The following INTS12 variants were observed in gnomAD, a reference collection of about 807,000 sequenced individuals.
The protein encoded by INTS12 is PHD finger protein 22.
A neutral mutation model predicts 41.6 loss-of-function variants in INTS12; 13 were observed. The observed-to-expected ratio is 0.31, with a 90% CI of 0.20 to 0.50. INTS12 has a LOEUF of 0.50. INTS12 is among the 20% of genes least tolerant of loss of function. The probability of loss-of-function intolerance (pLI) is 0.98; values close to 1 mark genes in which losing one functional copy is unlikely to be tolerated. For missense variants in INTS12, 432 were observed against 541.6 expected, an observed-to-expected ratio of 0.80 and a Z score of 2.01; for synonymous variants, 199 against 191.4, an observed-to-expected ratio of 1.04 and a Z score of -0.33.
chr4:105,707,974 G>GA (rs1578397191), intron 1 of INTS12: 2 of 985,262 alleles, frequency 2.0e-6, no homozygotes, highest in Non-Finnish European at 2.4e-6. Context: ...CCAGATGAAG[G>GA]AAACAGAAAC....
At chr4:105,685,623 A>C (rs1333677270) in intron 7 of INTS12, among the ~76,000 whole-genome samples, 2 of 152,158 alleles carry the variant, frequency 1.3e-5, no homozygotes, top group Non-Finnish European at 2.9e-5. Context: ...CAATAACTTT[A>C]GAGTTTTCTC....
intron 1 of INTS12, chr4:105,708,428 T>C (rs1031770622): frequency 9.1e-6 from 9 of 985,360 alleles, no homozygotes; most frequent in African/African-American, 8.7e-5. Flanking sequence ...TCGGTCCGCA[T>C]GTCCCGGCCC....
At chr4:105,685,039 C>T (rs1731455379) in intron 7 of INTS12, among the ~76,000 whole-genome samples, 1 of 152,030 alleles carries the variant, frequency 6.6e-6, no homozygotes, top group African/African-American at 2.4e-5. Flanking sequence ...CAATGGAGAC[C>T]AAGTGATTTC....
chr4:105,693,424 T>C lies in INTS12; in HGVS notation c.372A>G (p.Glu124=). The change falls in exon 5 of 8, where the codon GAA becomes GAG. Residue 124 remains glutamate (E), a synonymous_variant. Transcript: ENST00000340139. ...IPKKPRLEKP[E]TQSSPITVQS... ...GGACAGTAATGGGAGATGACTGTGTTTCTGGTTTCTCCAATCTAGGTTTCT... is the reference window on the plus strand; with the variant it reads ...GGACAGTAATGGGAGATGACTGTGTCTCTGGTTTCTCCAATCTAGGTTTCT... 6.2e-7 allele frequency: 1 copy of C among 1,613,846 alleles called. No homozygotes were observed. Among genetic ancestry groups the C allele is most frequent in the Non-Finnish European group, 8.5e-7 (1 of 1,179,756 alleles).
At chr4:105,700,208 C>T (rs1470007755) in intron 2 of INTS12, 194 bp from the exon 3 acceptor site, 1 of 332,606 alleles carries the variant, frequency 3.0e-6, no homozygotes, top group Non-Finnish European at 5.4e-6. Context: ...GTTCCTTCCC[C>T]CTGAAACAAC....
intron 2 of INTS12, among the ~76,000 whole-genome samples, chr4:105,703,190 G>C (rs574818528): frequency 6.6e-6 from 1 of 152,166 alleles, no homozygotes; most frequent in Admixed American, 6.6e-5. Flanking sequence ...CTGTGTGTGT[G>C]TATGAAAGAA....
chr4:105,708,381 G>C (rs1732378198), intron 1 of INTS12: 1 of 985,316 alleles, frequency 1.0e-6, no homozygotes, highest in South Asian at 4.7e-5. Context: ...TCCGAGGCAG[G>C]ATTCCAAGTC....
rs144680414 is a variant in INTS12, at chr4:105,705,041, A to G, written c.-171-1232T>C. 4.3e-3 allele frequency among the ~76,000 whole-genome samples: 652 copies of G among 152,320 alleles called. 5 individuals carry two copies. Among genetic ancestry groups the G allele is most frequent in the Admixed American group, 4.1e-3 (63 of 15,302 alleles). On this transcript the variant is annotated intron_variant, in intron 1 of 7. Coordinates refer to ENST00000340139, the MANE Select transcript of INTS12 (RefSeq NM_020395.4). ...CTTCTCACAATCCAAAGGTTCAAGA[A>G]TAAGATTCTTAACAAGGTCTCCAAT...
At chr4:105,703,106 A>C in intron 2 of INTS12, 1 of 744,374 alleles carries the variant, frequency 1.3e-6, no homozygotes, top group East Asian at 1.3e-4. Context: ...TTCATTCCTA[A>C]ACCCATGGCC....
intron 2 of INTS12, among the ~76,000 whole-genome samples, chr4:105,702,480 A>G (rs988069501): frequency 6.6e-6 from 1 of 152,172 alleles, no homozygotes; most frequent in Non-Finnish European, 1.5e-5. Context: ...CTATTCATAT[A>G]CAGAGTGATA....
intron 2 of INTS12, 192 bp from the exon 3 acceptor site, chr4:105,700,206 C>A: frequency 3.0e-6 from 1 of 337,542 alleles, no homozygotes. Flanking sequence ...TAGTTCCTTC[C>A]CCCTGAAACA....
intron 1 of INTS12, among the ~76,000 whole-genome samples, chr4:105,704,408 G>A (rs1049788002): frequency 2.0e-5 from 3 of 152,158 alleles, no homozygotes; most frequent in Non-Finnish European, 2.9e-5. Flanking sequence ...TAGGTATCAC[G>A]TCAGAACTTA....
At chr4:105,708,002 G>A in intron 1 of INTS12, 5 of 985,418 alleles carry the variant, frequency 5.1e-6, no homozygotes, top group Non-Finnish European at 6.0e-6. Flanking sequence ...ATAGAGTGCA[G>A]TATTATCGTT....
At chr4:105,683,431 G>T (rs544877732) in intron 7 of INTS12, 114 bp from the exon 8 acceptor site, 7 of 800,938 alleles carry the variant, frequency 8.7e-6, no homozygotes, top group Non-Finnish European at 1.3e-5. Context: ...AGGTTCTTAT[G>T]AAGCTGATCT....
At chr4:105,689,707 A>G (rs1731618194) in intron 6 of INTS12, among the ~76,000 whole-genome samples, 2 of 152,226 alleles carry the variant, frequency 1.3e-5, no homozygotes, top group Admixed American at 1.3e-4. Flanking sequence ...GTTCGAGACC[A>G]GCCCTGGCAA....
At chr4:105,697,686 A>C (rs930388195) in intron 3 of INTS12, among the ~76,000 whole-genome samples, 3 of 152,138 alleles carry the variant, frequency 2.0e-5, no homozygotes, top group African/African-American at 7.2e-5. Flanking sequence ...GCTCTTTATA[A>C]AGTCTGTTGA....
At chr4:105,707,623 G>A (rs954632431) in intron 1 of INTS12, among the ~76,000 whole-genome samples, 13 of 152,060 alleles carry the variant, frequency 8.5e-5, no homozygotes, top group Non-Finnish European at 5.9e-5. Context: ...TCACGACTGG[G>A]GACTTGTAGT....
rs1393576180 is a variant in INTS12 at position 105,686,801 on chromosome 4, G to A, written c.695C>T (p.Pro232Leu). 1.2e-6 allele frequency: 2 copies of A among 1,613,748 alleles called. No homozygotes were observed. Among genetic ancestry groups the A allele is most frequent in the Non-Finnish European group, 1.7e-6 (2 of 1,179,916 alleles). ...KTQKPPQKPA[P>L]AVVSVTPAVK... ...AGCTGGAGTTACAGAAACAACTGCA[G>A]GGGCTGGTTTCTGCGGTGGTTTCTG... The change falls in exon 7 of 8, where the codon CCT becomes CTT. Residue 232 changes from proline (P) to leucine (L), a missense_variant. Coordinates refer to ENST00000340139, the MANE Select transcript of INTS12 (RefSeq NM_020395.4).
At chr4:105,702,228 C>T (rs1448485935) in intron 2 of INTS12, among the ~76,000 whole-genome samples, 4 of 149,040 alleles carry the variant, frequency 2.7e-5, no homozygotes, top group East Asian at 2.0e-4. Context: ...CTCCGCCTCA[C>T]GGGTTCATGC....
Sources: gnomAD v4.1 joint callset for allele counts (sites outside exome capture counted in the v4.1 genomes callset) on GRCh38, gnomAD v4.1.1 for gene constraint, MANE v1.5 for transcripts, NCBI Gene and HGNC (gene_info 2026-07-23, HGNC 2026-07-21) for gene names.